GAS7: variants seen among roughly 807,000 people sequenced by gnomAD.
GAS7 encodes the protein growth arrest specific 7.
A neutral mutation model predicts 71.1 loss-of-function variants in GAS7; 28 were observed. The ratio of observed to expected loss-of-function variants is 0.39; its 90% confidence interval spans 0.29 to 0.54. The LOEUF is 0.54. Ranked by LOEUF, GAS7 falls within the 20% of genes least tolerant of loss-of-function variation. The pLI, the probability that GAS7 is intolerant of heterozygous loss-of-function variation, is 0.62. For synonymous variants in GAS7, 258 were observed against 245.8 expected (o/e 1.05, Z -0.46); for missense variants, 436 against 627.8 (o/e 0.69, Z 3.27).
intron 1 of GAS7, among the ~76,000 whole-genome samples, chr17:10,077,812 G>A (rs1206422380): frequency 6.6e-6 from 1 of 152,028 alleles, no homozygotes; most frequent in Admixed American, 6.6e-5. Context: ...AATAAAACAA[G>A]GGAGAAAACC....
intron 1 of GAS7, among the ~76,000 whole-genome samples, chr17:10,185,145 G>C (rs574090985): frequency 5.1e-4 from 77 of 152,178 alleles, no homozygotes; most frequent in Non-Finnish European, 6.6e-4. Flanking sequence ...GGCTGTTCTT[G>C]AACTCCTGAC....
chr17:10,034,812 G>C lies in GAS7; in HGVS notation c.184-14915C>G, dbSNP rs1202962176. Among the ~76,000 whole-genome samples the C allele has an allele frequency of 6.6e-6, 1 of 152,106 alleles. No homozygotes were observed. The highest frequency in any genetic ancestry group is 1.5e-5 in the Non-Finnish European group (1 of 68,020). ...CTGTGCTTCCACCTCTCACCACACTGAGTTCTGTCCTGATGCGTCCACCTC... is the reference window on the plus strand; with the variant it reads ...CTGTGCTTCCACCTCTCACCACACTCAGTTCTGTCCTGATGCGTCCACCTC... On this transcript the variant is annotated intron_variant, in intron 1 of 13. Coordinates refer to ENST00000432992, the MANE Select transcript of GAS7 (RefSeq NM_201433.2). The surrounding 1 kb of genome is among the most constrained non-coding windows in gnomAD (Gnocchi z 4.4).
chr17:9,983,648 C>A (rs189173327), intron 2 of GAS7, among the ~76,000 whole-genome samples: 2 of 151,376 alleles, frequency 1.3e-5, no homozygotes, highest in East Asian at 3.9e-4. Context: ...ATTAGCTGGG[C>A]GCGATGGTGT....
intron 1 of GAS7, among the ~76,000 whole-genome samples, chr17:10,195,240 G>A (rs1012282693): frequency 6.6e-6 from 1 of 152,166 alleles, no homozygotes; most frequent in East Asian, 1.9e-4. Context: ...CCTCCCAAGG[G>A]CTAGCTGGCC....
chr17:9,925,721 G>A (rs771758018), intron 10 of GAS7, 122 bp from the exon 11 acceptor site: 15 of 1,053,898 alleles, frequency 1.4e-5, no homozygotes, highest in Non-Finnish European at 1.9e-5. Flanking sequence ...TGATGCCACA[G>A]TGGTCCAGAG....
Position 10,036,356 on chromosome 17 carries a change from T to C in GAS7, c.184-16459A>G, listed in dbSNP as rs560985839. 5.2e-5 allele frequency: 62 copies of C among 1,199,062 alleles called. No homozygotes were observed. In the South Asian group the frequency reaches 7.1e-4, roughly 14 times the overall value. 74.3% of individuals were successfully genotyped at this position (1,199,062 alleles called of 1,614,324 possible). ...AGTTTTCAGAGCTGCCTCTTTACCA[T>C]GGCACAGTCATTTTAGAAACATGCA... On this transcript the variant is annotated intron_variant, in intron 1 of 13. Transcript: ENST00000432992.
intron 9 of GAS7, among the ~76,000 whole-genome samples, chr17:9,932,523 G>A (rs920026061): frequency 6.6e-6 from 1 of 152,182 alleles, no homozygotes; most frequent in African/African-American, 2.4e-5. Flanking sequence ...CTGTTAATGG[G>A]TAGCCCCACC....
Position 9,969,371 on chromosome 17 carries a change from A to C in GAS7, c.471+306T>G, listed in dbSNP as rs756430595. ...ACATCCATACTCTTAAAGTGGTGAG[A>C]AACACAGGCTTCAGGTATCAGGAAT... On this transcript the variant is annotated intron_variant, in intron 4 of 13. Transcript: ENST00000432992. The surrounding 1 kb of genome is among the most constrained non-coding windows in gnomAD (Gnocchi z 5.5). Among the ~76,000 whole-genome samples, 1 of 152,196 alleles carries C rather than the reference A, an allele frequency of 6.6e-6. No homozygotes were observed. Among genetic ancestry groups the C allele is most frequent in the Non-Finnish European group, 1.5e-5 (1 of 68,040 alleles).
chr17:10,187,363 T>C (rs1249763322), intron 1 of GAS7, among the ~76,000 whole-genome samples: 1 of 152,142 alleles, frequency 6.6e-6, no homozygotes, highest in Non-Finnish European at 1.5e-5. Flanking sequence ...AAGTAACCCA[T>C]CCTGACCCAT....
At chr17:10,135,117 C>G (rs1289798663) in intron 1 of GAS7, among the ~76,000 whole-genome samples, 2 of 152,148 alleles carry the variant, frequency 1.3e-5, no homozygotes, top group Non-Finnish European at 2.9e-5. Flanking sequence ...AGGTGTGAGC[C>G]AACGCAGCCC....
intron 1 of GAS7, among the ~76,000 whole-genome samples, chr17:10,078,025 T>C (rs751608893): frequency 3.1e-4 from 47 of 152,030 alleles, no homozygotes; most frequent in Non-Finnish European, 5.1e-4. Flanking sequence ...TAGGTGACAG[T>C]ACATGCGGAA....
chr17:9,988,906 T>C (rs2070739773), intron 2 of GAS7, among the ~76,000 whole-genome samples: 1 of 149,094 alleles, frequency 6.7e-6, no homozygotes, highest in Non-Finnish European at 1.5e-5. Context: ...CGGAGTACAG[T>C]GGCGCGATAT....
chr17:10,160,936 C>CCACACACACA (rs1047217599), intron 1 of GAS7, among the ~76,000 whole-genome samples: 114 of 93,754 alleles, frequency 1.2e-3, no homozygotes, highest in African/African-American at 4.7e-3. Context: ...GAAATTGAAA[C>CCACACACACA]CATACACACA....
At chr17:10,085,049 A>G (rs572309954) in intron 1 of GAS7, among the ~76,000 whole-genome samples, 1 of 151,938 alleles carries the variant, frequency 6.6e-6, no homozygotes, top group Non-Finnish European at 1.5e-5. Context: ...TTGCTATAAG[A>G]CTGTTCTTAT....
rs2072693410 is a variant in GAS7, at chr17:10,034,295, T to C, written c.184-14398A>G. On this transcript the variant is annotated intron_variant, in intron 1 of 13. Transcript: ENST00000432992. The surrounding 1 kb of genome is among the most constrained non-coding windows in gnomAD (Gnocchi z 4.4). ...AAGGGCTTTCATATATACATATATATAGCCTAATACTTAATAATTCTTTTT... is the reference window on the plus strand; with the variant it reads ...AAGGGCTTTCATATATACATATATACAGCCTAATACTTAATAATTCTTTTT... 2 of 798,816 alleles carry C rather than the reference T, an allele frequency of 2.5e-6. No homozygotes were observed. The highest frequency in any genetic ancestry group is 1.3e-4 in the East Asian group (1 of 7,960). 49.5% of individuals were successfully genotyped at this position (798,816 alleles called of 1,614,324 possible).
At chr17:10,136,235 G>A (rs1244054451) in intron 1 of GAS7, among the ~76,000 whole-genome samples, 2 of 152,218 alleles carry the variant, frequency 1.3e-5, no homozygotes, top group Admixed American at 6.5e-5. Context: ...GAGGCTGGGT[G>A]AGTGGGGAGC....
At chr17:10,181,735 A>T (rs1228177453) in intron 1 of GAS7, among the ~76,000 whole-genome samples, 1 of 152,088 alleles carries the variant, frequency 6.6e-6, no homozygotes, top group Non-Finnish European at 1.5e-5. Flanking sequence ...CTGCACCATC[A>T]CTCTGGAGGA....
rs371440051 is a variant in GAS7 at position 10,183,578 on chromosome 17, G to A, written c.183+14630C>T. Reference sequence around the variant, plus strand: ...CAACTGGCTGGGCGCGGTGGCTCACGCCTGTAATCCCAGCACTTTGGGAGG... The same window carrying A: ...CAACTGGCTGGGCGCGGTGGCTCACACCTGTAATCCCAGCACTTTGGGAGG... On this transcript the variant is annotated intron_variant, in intron 1 of 13. Transcript: ENST00000432992. Among the ~76,000 whole-genome samples, 162 of 152,328 alleles carry A rather than the reference G, an allele frequency of 1.1e-3. 4 individuals carry two copies. The South Asian group carries it at 0.032, about 30-fold the overall frequency.
chr17:10,128,093 C>T (rs1364280255), intron 1 of GAS7, among the ~76,000 whole-genome samples: 2 of 152,226 alleles, frequency 1.3e-5, no homozygotes, highest in Non-Finnish European at 2.9e-5. Context: ...GGCCCTACCC[C>T]GGCTGGGGCC....
Sources: allele counts gnomAD v4.1 joint callset (sites outside exome capture counted in the v4.1 genomes callset), GRCh38; gene constraint gnomAD v4.1.1; non-coding constraint Gnocchi (gnomAD v3.1); transcripts MANE v1.5; gene names NCBI Gene and HGNC (gene_info 2026-07-23, HGNC 2026-07-21).